NOS1AP: variants seen among roughly 807,000 people sequenced by gnomAD.
NOS1AP encodes nitric oxide synthase 1 adaptor protein, also known as carboxyl-terminal PDZ ligand of neuronal nitric oxide synthase protein.
In NOS1AP, 21 loss-of-function variants were observed where a neutral mutation model predicts 56.2. That is an observed-to-expected ratio of 0.37 (90% CI 0.26 to 0.54). The LOEUF (loss-of-function observed/expected upper bound fraction) is 0.54. Ranked by LOEUF, NOS1AP falls within the 20% of genes least tolerant of loss-of-function variation. The pLI, the probability that NOS1AP is intolerant of heterozygous loss-of-function variation, is 0.84. For synonymous variants in NOS1AP, 270 were observed against 274.6 expected (o/e 0.98, Z 0.17); for missense variants, 522 against 657.8 (o/e 0.79, Z 2.26).
chr1:162,205,056 A>T (rs1652115675), intron 2 of NOS1AP, among the ~76,000 whole-genome samples: 1 of 152,230 alleles, frequency 6.6e-6, no homozygotes, highest in Admixed American at 6.5e-5. Flanking sequence ...TAGCACAAAG[A>T]TATTGCCAGA....
chr1:162,148,170 G>T (rs543307280), intron 1 of NOS1AP, among the ~76,000 whole-genome samples: 1 of 152,176 alleles, frequency 6.6e-6, no homozygotes, highest in African/African-American at 2.4e-5. Context: ...CTCAGATGCC[G>T]GAACACCAGG....
At chr1:162,163,764 G>A (rs964936906) in intron 2 of NOS1AP, among the ~76,000 whole-genome samples, 1 of 152,148 alleles carries the variant, frequency 6.6e-6, no homozygotes, top group Non-Finnish European at 1.5e-5. Context: ...TGAGGGAGTG[G>A]TAGATTATTT....
chr1:162,238,385 C>G (rs1473192531), intron 2 of NOS1AP, among the ~76,000 whole-genome samples: 1 of 152,070 alleles, frequency 6.6e-6, no homozygotes, highest in East Asian at 1.9e-4. Flanking sequence ...AGGGCTTCAT[C>G]AAAGAAGCAG....
At chr1:162,181,228 A>G (rs1229321321) in intron 2 of NOS1AP, among the ~76,000 whole-genome samples, 1 of 152,244 alleles carries the variant, frequency 6.6e-6, no homozygotes, top group East Asian at 1.9e-4. Flanking sequence ...AACTGACTTC[A>G]AAGGAGAAGG....
rs1647714261 is a variant in NOS1AP, at chr1:162,111,616, A to G, written c.105+41334A>G. Among the ~76,000 whole-genome samples, 3 of 152,192 alleles carry G rather than the reference A, an allele frequency of 2.0e-5. No homozygotes were observed. The South Asian group carries it at 6.2e-4, about 32-fold the overall frequency. On this transcript the variant is annotated intron_variant, in intron 1 of 9. Transcript: ENST00000361897. The stretch of plus-strand genomic sequence containing the variant: ...TGATTTTGGCGTCTTAAACGGCATC[A>G]AGTAGAAGCAACATCAACAGTGTGG...
intron 4 of NOS1AP, among the ~76,000 whole-genome samples, chr1:162,321,295 A>C (rs1486248017): frequency 1.3e-5 from 2 of 152,170 alleles, no homozygotes; most frequent in African/African-American, 2.4e-5. Context: ...CGCTATTCAC[A>C]ATAGCAAAGA....
intron 1 of NOS1AP, among the ~76,000 whole-genome samples, chr1:162,105,548 C>G (rs572747880): frequency 4.4e-4 from 67 of 152,310 alleles, no homozygotes; most frequent in Non-Finnish European, 1.0e-4. Context: ...CGCCTCTCCC[C>G]CTGGGAGCTT....
rs188835520 is a variant in NOS1AP at position 162,072,599 on chromosome 1, G to A, written c.105+2317G>A. On this transcript the variant is annotated intron_variant, in intron 1 of 9. Transcript: ENST00000361897. ...CAGAGAAGAAAGGACAAAAGCATAC[G>A]GTAAGGGGAGTGGTGGAACTTCTTT... Among the ~76,000 whole-genome samples the A allele has an allele frequency of 2.1e-3, 324 of 152,282 alleles. 3 individuals carry two copies. Among genetic ancestry groups the A allele is most frequent in the Non-Finnish European group, 1.9e-3 (127 of 68,024 alleles).
At chr1:162,257,904 C>G (rs1338982856) in intron 2 of NOS1AP, among the ~76,000 whole-genome samples, 17 of 152,090 alleles carry the variant, frequency 1.1e-4, no homozygotes, top group Non-Finnish European at 1.8e-4. Flanking sequence ...TCTTTTCTAT[C>G]CATATTTCAG....
At chr1:162,316,463 G>A (rs1656234392) in intron 4 of NOS1AP, among the ~76,000 whole-genome samples, 1 of 152,216 alleles carries the variant, frequency 6.6e-6, no homozygotes, top group Non-Finnish European at 1.5e-5. Flanking sequence ...TCCAGCTACT[G>A]CTGTGCAGTT....
intron 1 of NOS1AP, among the ~76,000 whole-genome samples, chr1:162,152,696 G>A (rs546016577): frequency 6.6e-6 from 1 of 152,350 alleles, no homozygotes; most frequent in South Asian, 2.1e-4. Flanking sequence ...CTGCTTGCCA[G>A]CTGTGTTCTT....
intron 2 of NOS1AP, among the ~76,000 whole-genome samples, chr1:162,199,436 T>G (rs1288587704): frequency 1.3e-5 from 2 of 152,206 alleles, no homozygotes; most frequent in Non-Finnish European, 2.9e-5. Context: ...GAAGCCCATG[T>G]CCCTGTCCTC....
intron 8 of NOS1AP, chr1:162,364,099 A>G (rs1397642482): frequency 5.1e-6 from 5 of 985,112 alleles, no homozygotes; most frequent in Non-Finnish European, 6.0e-6. Context: ...ACTGCCCTTT[A>G]CTCCCTAAAA....
chr1:162,240,586 C>T lies in NOS1AP; in HGVS notation c.178-46758C>T, dbSNP rs149600578. On this transcript the variant is annotated intron_variant, in intron 2 of 9. Transcript: ENST00000361897. Reference sequence around the variant, plus strand: ...ACTGTCTATATGAATTGAAGTCTCACTCACTGTTCTCCCAACTCAAAACAA... The same window carrying T: ...ACTGTCTATATGAATTGAAGTCTCATTCACTGTTCTCCCAACTCAAAACAA... Among the ~76,000 whole-genome samples the T allele has an allele frequency of 3.9e-5, 6 of 152,314 alleles. No individual in the cohort carries two copies. In the East Asian group the frequency reaches 7.7e-4, roughly 20 times the overall value.
chr1:162,316,761 A>C (rs578145576), intron 4 of NOS1AP: 1 of 152,918 alleles, frequency 6.5e-6, no homozygotes, highest in East Asian at 1.9e-4. Flanking sequence ...GAGAATTACA[A>C]AGAACCTTCT....
chr1:162,293,936 A>G (rs1655353809), intron 3 of NOS1AP, among the ~76,000 whole-genome samples: 1 of 152,160 alleles, frequency 6.6e-6, no homozygotes. Context: ...TTTTTTCCCC[A>G]CATCAACTAT....
chr1:162,193,247 G>A (rs186062993), intron 2 of NOS1AP, among the ~76,000 whole-genome samples: 9 of 152,240 alleles, frequency 5.9e-5, no homozygotes, highest in Middle Eastern at 3.4e-3. Context: ...CTAGATCCCC[G>A]AAGTGACAGG....
intron 1 of NOS1AP, among the ~76,000 whole-genome samples, chr1:162,100,158 T>G (rs1182880658): frequency 6.6e-6 from 1 of 152,228 alleles, no homozygotes; most frequent in Non-Finnish European, 1.5e-5. Context: ...AGTAATGGGA[T>G]GGCTGGGTCA....
chr1:162,071,154 TCTTC>T (rs1288328643), intron 1 of NOS1AP, among the ~76,000 whole-genome samples: 1 of 152,244 alleles, frequency 6.6e-6, no homozygotes, highest in East Asian at 1.9e-4. Context: ...AGTGTTCTGC[TCTTC>T]CTTCAAGCCA....
Sources: gnomAD v4.1 joint callset for allele counts (sites outside exome capture counted in the v4.1 genomes callset) on GRCh38, gnomAD v4.1.1 for gene constraint, MANE v1.5 for transcripts, NCBI Gene and HGNC (gene_info 2026-07-23, HGNC 2026-07-21) for gene names.